FBN1: variants seen among roughly 807,000 people sequenced by gnomAD.
The protein encoded by FBN1 is fibrillin-1.
A neutral mutation model predicts 365.1 loss-of-function variants in FBN1; 29 were observed. That is an observed-to-expected ratio of 0.08 (90% CI 0.06 to 0.11). The LOEUF is 0.11. Among genes scored for constraint, FBN1 ranks in the 10% least tolerant of loss-of-function variants. The pLI is 1.00. For missense variants in FBN1, 2,476 were observed against 3,703.2 expected (o/e 0.67, Z 8.60); for synonymous variants, 1,210 against 1,270.5 (o/e 0.95, Z 1.01).
At chr15:48,562,961 T>C (rs1258400801) in intron 6 of FBN1, among the ~76,000 whole-genome samples, 1 of 152,212 alleles carries the variant, frequency 6.6e-6, no homozygotes, top group East Asian at 1.9e-4. Context: ...TTTTTATCTA[T>C]TTGTAAAGTC....
chr15:48,482,526 G>C (rs1484592355), intron 31 of FBN1, among the ~76,000 whole-genome samples: 1 of 152,160 alleles, frequency 6.6e-6, no homozygotes, highest in African/African-American at 2.4e-5. Context: ...CTGAATAGGA[G>C]AGTTTTAACT....
Position 48,617,865 on chromosome 15 carries a change from T to C in FBN1, c.165-4773A>G, listed in dbSNP as rs188304568. Among the ~76,000 whole-genome samples, 5 of 152,340 alleles carry C rather than the reference T, an allele frequency of 3.3e-5. No individual in the cohort carries two copies. In the East Asian group the frequency reaches 7.7e-4, roughly 23 times the overall value. Reference sequence around the variant, plus strand: ...AAGCCCACTTCTGCAATTTGGCCTCTTACAGCAAGATAGCCTTTCTGTTTC... The same window carrying C: ...AAGCCCACTTCTGCAATTTGGCCTCCTACAGCAAGATAGCCTTTCTGTTTC... On this transcript the variant is annotated intron_variant, in intron 2 of 65. Coordinates refer to ENST00000316623, the MANE Select transcript of FBN1 (RefSeq NM_000138.5).
intron 11 of FBN1, 42 bp from the exon 12 acceptor site, chr15:48,515,569 G>T: frequency 6.2e-7 from 1 of 1,610,392 alleles, no homozygotes; most frequent in African/African-American, 1.3e-5. Context: ...TTTAACTATG[G>T]TATCTTTCAT....
chr15:48,597,297 G>A (rs1168460433), intron 5 of FBN1, among the ~76,000 whole-genome samples: 2 of 152,186 alleles, frequency 1.3e-5, no homozygotes, highest in African/African-American at 2.4e-5. Flanking sequence ...TCCAGCTGCT[G>A]TACCTTCAGA....
intron 6 of FBN1, among the ~76,000 whole-genome samples, chr15:48,542,381 G>C (rs1356465019): frequency 6.6e-6 from 1 of 152,126 alleles, no homozygotes; most frequent in African/African-American, 2.4e-5. Flanking sequence ...AAAAGAATGA[G>C]ATATCAATTT....
At position 48,593,841 on chromosome 15, in the gene FBN1, T is replaced by C. The variant is rs141837097; in HGVS notation, c.538+2442A>G. ...ATGTGGAGAGAGTACTAAGGGAAAA[T>C]GTAGATGAAGGGAGAAAGGAAAGTA... On this transcript the variant is annotated intron_variant, in intron 6 of 65. Transcript: ENST00000316623. Among the ~76,000 whole-genome samples the C allele has an allele frequency of 2.4e-4, 36 of 152,102 alleles. No individual in the cohort carries two copies. In the East Asian group the frequency reaches 6.6e-3, roughly 28 times the overall value.
Position 48,427,673 on chromosome 15 carries a change from G to A in FBN1, c.7098C>T (p.Asp2366=), listed in dbSNP as rs1005074. The A allele has an allele frequency of 8.6e-4, 1,389 of 1,614,078 alleles. 6 individuals are homozygous for A. Among genetic ancestry groups the A allele is most frequent in the Admixed American group, 8.2e-3 (494 of 60,010 alleles). Residue 2366 remains aspartate (D), a synonymous_variant, in exon 58 of 66, where the codon GAC becomes GAT. Coordinates refer to ENST00000316623, the MANE Select transcript of FBN1 (RefSeq NM_000138.5). ...AGTGGGGACCCCAGCCTCTCCCTCCGTCACAGCAGCATTCCGATTTGGTGA... is the reference window on the plus strand; with the variant it reads ...AGTGGGGACCCCAGCCTCTCCCTCCATCACAGCAGCATTCCGATTTGGTGA... ...NPVTKSECCC[D]GGRGWGPHCE...
chr15:48,537,698 A>C lies in FBN1; in HGVS notation c.649T>G (p.Trp217Gly), dbSNP rs193922224. The change falls in exon 7 of 66, where the codon TGG becomes GGG. Residue 217 changes from tryptophan to glycine, a missense_variant. This residue lies in a region of FBN1 where 421 missense variants were observed against 520.1 expected (regional missense o/e 0.81). Coordinates refer to ENST00000316623, the MANE Select transcript of FBN1 (RefSeq NM_000138.5). ...GGACACATCTCACAGGGGTGGCCCC[A>C]GGCTCGGCCGACTGTGGCACAGCAG... ...TLCCATVGRA[W>G]GHPCEMCPAQ... The C allele has an allele frequency of 6.2e-7, 1 of 1,614,252 alleles. No homozygotes were observed. The highest frequency in any genetic ancestry group is 8.5e-7 in the Non-Finnish European group (1 of 1,180,038).
intron 60 of FBN1, among the ~76,000 whole-genome samples, chr15:48,425,040 A>G (rs1054045560): frequency 1.3e-5 from 2 of 152,196 alleles, no homozygotes; most frequent in African/African-American, 4.8e-5. Context: ...TAAATACAAA[A>G]AACAGAAAGC....
intron 46 of FBN1, 61 bp from the exon 47 acceptor site, chr15:48,446,883 T>A: frequency 8.7e-7 from 1 of 1,150,018 alleles, no homozygotes; most frequent in Non-Finnish European, 1.3e-6. Context: ...GTTACACGGT[T>A]ACAGTGGCTA....
At chr15:48,555,808 A>G (rs549096740) in intron 6 of FBN1, among the ~76,000 whole-genome samples, 1 of 152,326 alleles carries the variant, frequency 6.6e-6, no homozygotes, top group South Asian at 2.1e-4. Flanking sequence ...AGCTCATGTG[A>G]AGTTAATTAG....
At chr15:48,516,689 G>A (rs1024039090) in intron 10 of FBN1, among the ~76,000 whole-genome samples, 3 of 152,150 alleles carry the variant, frequency 2.0e-5, no homozygotes, top group Non-Finnish European at 4.4e-5. Flanking sequence ...ATTCCACAGG[G>A]CTCTACAGAA....
rs764865457 is a variant in FBN1 at position 48,504,998 on chromosome 15, A to G, written c.1960+27T>C. The G allele has an allele frequency of 2.5e-6, 4 of 1,614,054 alleles. No individual in the cohort carries two copies. The East Asian group carries it at 6.7e-5, about 27-fold the overall frequency. ...GAGTGACAGAGGCTGAACCTCTCTC[A>G]TAAGGTTAGCCATGATGTTTTCTTA... On this transcript the variant is annotated intron_variant, in intron 16 of 65. Coordinates refer to ENST00000316623, the MANE Select transcript of FBN1 (RefSeq NM_000138.5).
At position 48,572,533 on chromosome 15, in the gene FBN1, AAC is replaced by A. The variant is rs1208372770; in HGVS notation, c.538+23748_538+23749del. ...ATTTAATTAGTTTGTTAAAAAAAAA[AAC>A]AAAGACCCCTCAAAGAATAGGAAGC... On this transcript the variant is annotated intron_variant, in intron 6 of 65. Transcript: ENST00000316623. Among the ~76,000 whole-genome samples, 4 of 147,472 alleles carry A rather than the reference AAC, an allele frequency of 2.7e-5. No individual in the cohort carries two copies. The East Asian group carries it at 1.3e-3, about 48-fold the overall frequency.
intron 6 of FBN1, among the ~76,000 whole-genome samples, chr15:48,594,028 T>G (rs918065013): frequency 2.0e-5 from 3 of 152,176 alleles, no homozygotes; most frequent in African/African-American, 7.2e-5. Context: ...TCAGGATGGA[T>G]CTGTCCTGAC....
At position 48,456,447 on chromosome 15, in the gene FBN1, T is replaced by A. The variant is rs76610457; in HGVS notation, c.5422+190A>T. Among the ~76,000 whole-genome samples, 2,488 of 152,214 alleles carry A rather than the reference T, an allele frequency of 0.016. 205 individuals carry two copies. The East Asian group carries it at 0.24, about 15-fold the overall frequency. On this transcript the variant is annotated intron_variant, in intron 44 of 65. Coordinates refer to ENST00000316623, the MANE Select transcript of FBN1 (RefSeq NM_000138.5). ...AAGGGGCTGGGAATGTGCCTCCTGG[T>A]TTTTCCACTGAAGTTAGTGAATTTT... is the stretch of plus-strand genomic sequence containing the variant.
At chr15:48,532,506 A>ATGTGTGTGTG (rs528870539) in intron 8 of FBN1, among the ~76,000 whole-genome samples, 132 of 149,722 alleles carry the variant, frequency 8.8e-4, no homozygotes, top group Admixed American at 1.6e-3. Flanking sequence ...ATATATGTGT[A>ATGTGTGTGTG]TGTGTGTGTG....
intron 63 of FBN1, among the ~76,000 whole-genome samples, chr15:48,416,253 G>T (rs1046199109): frequency 1.3e-5 from 2 of 152,120 alleles, no homozygotes; most frequent in African/African-American, 4.8e-5. Flanking sequence ...CCATTTTCCC[G>T]CAGGCTGCTT....
intron 6 of FBN1, among the ~76,000 whole-genome samples, chr15:48,584,141 A>T (rs540695275): frequency 6.6e-6 from 1 of 152,196 alleles, no homozygotes; most frequent in African/African-American, 2.4e-5. Context: ...TTTCTTATAC[A>T]TGTATTATGT....
Sources: allele counts gnomAD v4.1 joint callset (sites outside exome capture counted in the v4.1 genomes callset), GRCh38; gene constraint gnomAD v4.1.1; regional missense constraint gnomAD v4.1.1; transcripts MANE v1.5; gene names NCBI Gene and HGNC (gene_info 2026-07-23, HGNC 2026-07-21).